COLGALT2: variants seen among roughly 807,000 people sequenced by gnomAD.
COLGALT2 encodes collagen beta(1-O)galactosyltransferase 2.
In COLGALT2, 49 loss-of-function variants were observed where a neutral mutation model predicts 73.4. That is an observed-to-expected ratio of 0.67 (90% CI 0.53 to 0.85). The LOEUF (loss-of-function observed/expected upper bound fraction) is 0.85. Ranked by LOEUF, COLGALT2 falls within the 40% of genes least tolerant of loss-of-function variation. COLGALT2 has a pLI of 0.00. For missense variants in COLGALT2, 722 were observed against 790.2 expected, an observed-to-expected ratio of 0.91 and a Z score of 1.03; for synonymous variants, 295 against 307.6, an observed-to-expected ratio of 0.96 and a Z score of 0.43.
At chr1:183,944,091 A>G in intron 10 of COLGALT2, 105 bp downstream of exon 10, 5 of 1,280,660 alleles carry the variant, frequency 3.9e-6, no homozygotes, top group Non-Finnish European at 5.2e-6. Context: ...GATAAGTGGA[A>G]GCTTAAGCTG....
At position 183,960,565 on chromosome 1, in the gene COLGALT2, T is replaced by C. The variant is rs188029007; in HGVS notation, c.952+3336A>G. On this transcript the variant is annotated intron_variant, in intron 6 of 11. Coordinates refer to ENST00000361927, the MANE Select transcript of COLGALT2 (RefSeq NM_015101.4). Reference sequence around the variant, plus strand: ...ATACCTGAAAACAGAGAATTGATCATAAAATGTTTTGAATCCCTAGTACCT... The same window carrying C: ...ATACCTGAAAACAGAGAATTGATCACAAAATGTTTTGAATCCCTAGTACCT... Among the ~76,000 whole-genome samples, 206 of 152,340 alleles carry C rather than the reference T, an allele frequency of 1.4e-3. 7 individuals carry two copies. The South Asian group carries it at 0.03, about 22-fold the overall frequency.
intron 10 of COLGALT2, among the ~76,000 whole-genome samples, chr1:183,943,324 G>A (rs901487134): frequency 6.6e-6 from 1 of 152,158 alleles, no homozygotes; most frequent in African/African-American, 2.4e-5. Context: ...AAAGAAGCAG[G>A]CTCAGAGTTG....
chr1:183,999,712 T>G lies in COLGALT2; in HGVS notation c.264-21192A>C, dbSNP rs376702763. Among the ~76,000 whole-genome samples, 25 of 152,274 alleles carry G rather than the reference T, an allele frequency of 1.6e-4. No individual in the cohort carries two copies. In the East Asian group the frequency reaches 4.8e-3, roughly 29 times the overall value. ...ATTTCTCTCAGAATTTTAAATATTT[T>G]ACCTAATTTCTCAAATTTATTAGTA... is the stretch of plus-strand genomic sequence containing the variant. On this transcript the variant is annotated intron_variant, in intron 1 of 11. Coordinates refer to ENST00000361927, the MANE Select transcript of COLGALT2 (RefSeq NM_015101.4).
At position 183,962,154 on chromosome 1, in the gene COLGALT2, C is replaced by CTTTTTTTTTTT. The variant is rs34873073; in HGVS notation, c.952+1736_952+1746dup. On this transcript the variant is annotated intron_variant, in intron 6 of 11. Transcript: ENST00000361927. ...TTTCTTTTCTTTTCTTTTTCTCTTTCTTTTTTTTTTTTTTTTTTTTTTTGA... is the reference window on the plus strand; with the variant it reads ...TTTCTTTTCTTTTCTTTTTCTCTTTCTTTTTTTTTTTTTTTTTTTTTTTTTTTTTTTTTTGA... 1.2e-3 allele frequency among the ~76,000 whole-genome samples: 102 copies of CTTTTTTTTTTT among 85,520 alleles called. 2 individuals are homozygous for CTTTTTTTTTTT. The highest frequency in any genetic ancestry group is 2.5e-3 in the South Asian group (5 of 1,988). The allele number at this position is 85,520 out of a possible 152,430, so 56.1% of individuals were successfully genotyped here. A position where few individuals can be genotyped will look rare whatever the true frequency, so the allele number is the denominator to read the frequency against.
intron 7 of COLGALT2, 124 bp from the exon 8 acceptor site, chr1:183,951,237 GA>G (rs1670392578): frequency 5.8e-6 from 4 of 688,520 alleles, no homozygotes; most frequent in Non-Finnish European, 1.0e-5. Context: ...GAACTGTCGT[GA>G]AAATTCATTT....
At position 184,037,710 on chromosome 1, in the gene COLGALT2, C is replaced by G. The variant is rs1192719615; in HGVS notation, c.-353G>C. 1.0e-6 allele frequency: 1 copy of G among 983,860 alleles called. No homozygotes were observed. Among genetic ancestry groups the G allele is most frequent in the East Asian group, 1.0e-4 (1 of 9,576 alleles). The allele number at this position is 983,860 out of a possible 1,614,324, so 60.9% of individuals were successfully genotyped here. A position where few individuals can be genotyped will look rare whatever the true frequency, so the allele number is the denominator to read the frequency against. ...TCGTACAGCTGAGGTCTGTGGCCTT[C>G]CCTAGAGCCGCGAGTTGTGGCCCTG... On this transcript the variant is annotated 5_prime_UTR_variant, in exon 1 of 12. Transcript: ENST00000361927.
intron 2 of COLGALT2, among the ~76,000 whole-genome samples, chr1:183,977,916 G>T (rs1308878922): frequency 6.6e-6 from 1 of 151,788 alleles, no homozygotes; most frequent in African/African-American, 2.4e-5. Flanking sequence ...GGTTAAGATA[G>T]GAAATTACCT....
chr1:183,951,200 TAGA>T lies in COLGALT2; in HGVS notation c.1030-90_1030-88del. 4.4e-6 allele frequency: 4 copies of T among 915,318 alleles called. No homozygotes were observed. The South Asian group carries it at 5.5e-5, about 13-fold the overall frequency. 56.7% of individuals were successfully genotyped at this position (915,318 alleles called of 1,614,324 possible). ...TGAAAAGTTTAGTAAATGTTTTAGA[TAGA>T]AGAAGGAGTGGAAAAGATAGGAAGA... On this transcript the variant is annotated intron_variant, in intron 7 of 11. Coordinates refer to ENST00000361927, the MANE Select transcript of COLGALT2 (RefSeq NM_015101.4).
At chr1:183,947,873 A>T (rs1181144367) in intron 8 of COLGALT2, among the ~76,000 whole-genome samples, 1 of 152,140 alleles carries the variant, frequency 6.6e-6, no homozygotes, top group African/African-American at 2.4e-5. Flanking sequence ...AAAAAAAGTA[A>T]ACTCAAACTA....
At chr1:184,027,678 G>T (rs1451578005) in intron 1 of COLGALT2, among the ~76,000 whole-genome samples, 1 of 152,184 alleles carries the variant, frequency 6.6e-6, no homozygotes, top group Admixed American at 6.5e-5. Context: ...GACAATCAGT[G>T]ATGGTGGAAT....
Position 183,951,035 on chromosome 1 carries a change from C to T in COLGALT2, c.1108G>A (p.Val370Ile), listed in dbSNP as rs1670382377. 1 of 1,613,704 alleles carries T rather than the reference C, an allele frequency of 6.2e-7. No individual in the cohort carries two copies. The highest frequency in any genetic ancestry group is 1.7e-5 in the Admixed American group (1 of 60,016). ...CCATCCACAGCCTCGACAATCTTGA[C>T]CTCAATCTCCTGTTCATACAGTGTG... is the stretch of plus-strand genomic sequence containing the variant. ...LRTLYEQEIEVKIVEAVDGKA... is the reference protein window; with the variant it reads ...LRTLYEQEIEIKIVEAVDGKA... The change falls in exon 8 of 12, where the codon GTC becomes ATC. Residue 370 changes from valine to isoleucine, a missense_variant. Coordinates refer to ENST00000361927, the MANE Select transcript of COLGALT2 (RefSeq NM_015101.4).
intron 3 of COLGALT2, 31 bp downstream of exon 3, chr1:183,975,066 A>AGTT (rs1558321512): frequency 6.8e-7 from 1 of 1,470,414 alleles, no homozygotes; most frequent in South Asian, 1.1e-5. Context: ...CTGAGATGAC[A>AGTT]GTTGTCAAGA....
chr1:183,962,159 T>C (rs1244248205), intron 6 of COLGALT2, among the ~76,000 whole-genome samples: 41 of 125,980 alleles, frequency 3.3e-4, no homozygotes, highest in African/African-American at 1.1e-3. Flanking sequence ...TCTTTCTTTT[T>C]TTTTTTTTTT....
At chr1:183,964,226 G>C in intron 5 of COLGALT2, 1 of 472,540 alleles carries the variant, frequency 2.1e-6, no homozygotes, top group Non-Finnish European at 3.7e-6. Flanking sequence ...AAAACACTCG[G>C]CTATTCTTCA....
downstream of COLGALT2, among the ~76,000 whole-genome samples, chr1:183,931,169 CTG>C (rs201778133): frequency 0.011 from 1,751 of 152,328 alleles, 27 homozygotes; most frequent in African/African-American, 0.031. Context: ...AAACCCCACT[CTG>C]AGCATATCAC....
At chr1:183,973,301 T>C (rs1671100031) in intron 4 of COLGALT2, among the ~76,000 whole-genome samples, 1 of 152,208 alleles carries the variant, frequency 6.6e-6, no homozygotes, top group South Asian at 2.1e-4. Context: ...TCTATAGTGT[T>C]CTTATGTTAG....
intron 5 of COLGALT2, among the ~76,000 whole-genome samples, chr1:183,967,061 A>G (rs941210710): frequency 6.6e-6 from 1 of 152,230 alleles, no homozygotes; most frequent in African/African-American, 2.4e-5. Flanking sequence ...GAAACTAAGG[A>G]AGGAAGAGCC....
Position 183,938,625 on chromosome 1 carries a change from A to C in COLGALT2, c.*136T>G, listed in dbSNP as rs559916566. 2 of 1,445,610 alleles carry C rather than the reference A, an allele frequency of 1.4e-6. No homozygotes were observed. The highest frequency in any genetic ancestry group is 1.5e-5 in the South Asian group (1 of 65,316). The allele number at this position is 1,445,610 out of a possible 1,614,324, so 89.5% of individuals were successfully genotyped here. On this transcript the variant is annotated 3_prime_UTR_variant, in exon 12 of 12. Transcript: ENST00000361927. ...AAAAATATGTTAATTTCGATCTATCACACTAGATCACTTTGGTTAGATGAC... is the reference window on the plus strand; with the variant it reads ...AAAAATATGTTAATTTCGATCTATCCCACTAGATCACTTTGGTTAGATGAC...
At chr1:183,957,778 G>GTT (rs367921171) in intron 6 of COLGALT2, among the ~76,000 whole-genome samples, 22,282 of 118,654 alleles carry the variant, frequency 0.19, 2,164 homozygotes, top group Non-Finnish European at 0.22. Context: ...TTTTGTGGTG[G>GTT]TTTTTTTTTT....
Sources: allele counts gnomAD v4.1 joint callset (sites outside exome capture counted in the v4.1 genomes callset), GRCh38; gene constraint gnomAD v4.1.1; transcripts MANE v1.5; gene names NCBI Gene and HGNC (gene_info 2026-07-23, HGNC 2026-07-21).